Variants in CNTNAP2 observed in about 807,000 individuals in gnomAD.
The protein encoded by CNTNAP2 is contactin associated protein 2.
A neutral mutation model predicts 155.2 loss-of-function variants in CNTNAP2; 98 were observed. That is an observed-to-expected ratio of 0.63 (90% CI 0.54 to 0.75). The LOEUF is 0.75. Ranked by LOEUF, CNTNAP2 falls within the 30% of genes least tolerant of loss-of-function variation. The pLI is 0.00. For missense variants in CNTNAP2, 1,727 were observed against 1,688.1 expected (o/e 1.02, Z -0.40); for synonymous variants, 651 against 631.2 (o/e 1.03, Z -0.47).
intron 1 of CNTNAP2, among the ~76,000 whole-genome samples, chr7:146,330,104 C>T (rs1308303479): frequency 1.4e-5 from 2 of 140,844 alleles, no homozygotes; most frequent in Admixed American, 1.5e-4. Context: ...CTCACTGCAA[C>T]CTCCGCCTCC....
At chr7:147,304,430 C>T (rs529799913) in intron 9 of CNTNAP2, among the ~76,000 whole-genome samples, 7 of 152,180 alleles carry the variant, frequency 4.6e-5, no homozygotes, top group Middle Eastern at 3.4e-3. Context: ...TGATACAGGC[C>T]GGAATCCATG....
intron 13 of CNTNAP2, among the ~76,000 whole-genome samples, chr7:147,751,902 T>G (rs1439736277): frequency 6.6e-6 from 1 of 152,188 alleles, no homozygotes; most frequent in Admixed American, 6.5e-5. Flanking sequence ...TATTCCTATT[T>G]ACTTACAGGA....
intron 12 of CNTNAP2, among the ~76,000 whole-genome samples, chr7:147,628,042 A>T (rs1795018484): frequency 6.6e-6 from 1 of 152,082 alleles, no homozygotes; most frequent in Non-Finnish European, 1.5e-5. Flanking sequence ...GAAATTTAAA[A>T]GTTTGGAAAG....
In CNTNAP2 at chr7:146,181,164, C is replaced by T. The variant is rs553028775; in HGVS notation, c.97+64191C>T. On this transcript the variant is annotated intron_variant, in intron 1 of 23. Coordinates refer to ENST00000361727, the MANE Select transcript of CNTNAP2 (RefSeq NM_014141.6). ...TACTTTAAGCACTTTGGGGGAACAA[C>T]ATGATGACTATACCCAACTTTGCCA... 3.3e-5 allele frequency among the ~76,000 whole-genome samples: 5 copies of T among 152,248 alleles called. No homozygotes were observed. In the South Asian group the frequency reaches 1.0e-3, roughly 32 times the overall value.
At chr7:148,160,585 C>G (rs928492354) in intron 17 of CNTNAP2, among the ~76,000 whole-genome samples, 1 of 152,148 alleles carries the variant, frequency 6.6e-6, no homozygotes, top group Admixed American at 6.5e-5. Flanking sequence ...CCATTTGGAC[C>G]AATTACTCCT....
intron 1 of CNTNAP2, among the ~76,000 whole-genome samples, chr7:146,433,482 G>A (rs542782146): frequency 6.6e-6 from 1 of 152,010 alleles, no homozygotes; most frequent in African/African-American, 2.4e-5. Flanking sequence ...ATTGACAAAG[G>A]CTTCTCTTTA....
intron 1 of CNTNAP2, among the ~76,000 whole-genome samples, chr7:146,477,779 T>C (rs1008461387): frequency 2.6e-5 from 4 of 152,118 alleles, no homozygotes; most frequent in African/African-American, 9.7e-5. Context: ...AGATTAAGAT[T>C]TGTGGCGTTA....
In CNTNAP2 at chr7:146,483,283, ATATATATATAT is replaced by A. The variant is rs1361395847; in HGVS notation, c.98-290987_98-290977del. Reference sequence around the variant, plus strand: ...AGAGCAAGACTCCGTCTAAAAAAAAATATATATATATATATATATATATATATATATATATA... The same window carrying A: ...AGAGCAAGACTCCGTCTAAAAAAAAAATATATATATATATATATATATATA... On this transcript the variant is annotated intron_variant, in intron 1 of 23. Coordinates refer to ENST00000361727, the MANE Select transcript of CNTNAP2 (RefSeq NM_014141.6). Among the ~76,000 whole-genome samples, 33 of 62,728 alleles carry A rather than the reference ATATATATATAT, an allele frequency of 5.3e-4. 1 individual carries two copies. The highest frequency in any genetic ancestry group is 2.6e-3 in the Admixed American group (14 of 5,446). 41.2% of individuals were successfully genotyped at this position (62,728 alleles called of 152,430 possible). A position where few individuals can be genotyped will look rare whatever the true frequency, so the allele number is the denominator to read the frequency against.
intron 1 of CNTNAP2, among the ~76,000 whole-genome samples, chr7:146,597,196 T>C (rs1285527826): frequency 6.6e-6 from 1 of 152,178 alleles, no homozygotes; most frequent in African/African-American, 2.4e-5. Context: ...ATTATCATTA[T>C]AGTTTGGTGG....
chr7:146,805,792 A>G (rs1471169089), intron 2 of CNTNAP2, among the ~76,000 whole-genome samples: 1 of 152,202 alleles, frequency 6.6e-6, no homozygotes, highest in African/African-American at 2.4e-5. Context: ...ACAATGAAAA[A>G]AGTTTATATT....
intron 1 of CNTNAP2, among the ~76,000 whole-genome samples, chr7:146,732,597 G>A (rs1402198335): frequency 6.6e-6 from 1 of 152,062 alleles, no homozygotes; most frequent in Non-Finnish European, 1.5e-5. Flanking sequence ...TTCTGTTCCA[G>A]ATGATAGATT....
chr7:148,112,415 G>GTATTATTATTATTAT lies in CNTNAP2; in HGVS notation c.2384-5687_2384-5673dup, dbSNP rs34816770. ...AATATGAATACTGTGCTAAATTTTA[G>GTATTATTATTATTAT]TATTATTATTATTATTATTATTATT... On this transcript the variant is annotated intron_variant, in intron 15 of 23. Transcript: ENST00000361727. 2.2e-3 allele frequency among the ~76,000 whole-genome samples: 328 copies of GTATTATTATTATTAT among 148,624 alleles called. 2 individuals are homozygous for GTATTATTATTATTAT. Among genetic ancestry groups the GTATTATTATTATTAT allele is most frequent in the East Asian group, 9.8e-3 (49 of 5,024 alleles).
At chr7:147,220,986 A>T (rs1437922270) in intron 8 of CNTNAP2, among the ~76,000 whole-genome samples, 2 of 152,124 alleles carry the variant, frequency 1.3e-5, no homozygotes, top group Non-Finnish European at 2.9e-5. Context: ...TGCTGGGATT[A>T]CAGGCGTGAT....
chr7:146,259,640 T>A (rs530829959), intron 1 of CNTNAP2, among the ~76,000 whole-genome samples: 7 of 152,216 alleles, frequency 4.6e-5, no homozygotes, highest in African/African-American at 1.4e-4. Context: ...TGGAAGAAAT[T>A]TCTAAGCAAC....
At chr7:148,350,499 T>C (rs549251289) in intron 21 of CNTNAP2, among the ~76,000 whole-genome samples, 1 of 152,356 alleles carries the variant, frequency 6.6e-6, no homozygotes, top group East Asian at 1.9e-4. Context: ...ACTAGTCAGC[T>C]GATTTGTGGT....
chr7:146,314,207 T>G (rs905530217), intron 1 of CNTNAP2, among the ~76,000 whole-genome samples: 1 of 152,206 alleles, frequency 6.6e-6, no homozygotes, highest in African/African-American at 2.4e-5. Context: ...CTTTCTAACC[T>G]GTTCCATTCG....
At chr7:146,817,566 G>A (rs1442336958) in intron 2 of CNTNAP2, among the ~76,000 whole-genome samples, 1 of 152,092 alleles carries the variant, frequency 6.6e-6, no homozygotes, top group Non-Finnish European at 1.5e-5. Context: ...GCATGATGCT[G>A]GCATCTGCTC....
At chr7:148,291,377 G>A (rs765510736) in intron 21 of CNTNAP2, among the ~76,000 whole-genome samples, 66 of 151,872 alleles carry the variant, frequency 4.3e-4, no homozygotes, top group Non-Finnish European at 1.9e-4. Context: ...TAGACCATCT[G>A]CAGGCTGAAG....
chr7:147,895,280 T>C (rs891594696), intron 13 of CNTNAP2, among the ~76,000 whole-genome samples: 6 of 152,052 alleles, frequency 3.9e-5, no homozygotes, highest in African/African-American at 1.4e-4. Context: ...AGCTTATTGG[T>C]TTTTTTAAGT....
Sources: allele counts gnomAD v4.1 joint callset (sites outside exome capture counted in the v4.1 genomes callset), GRCh38; gene constraint gnomAD v4.1.1; transcripts MANE v1.5; gene names NCBI Gene and HGNC (gene_info 2026-07-23, HGNC 2026-07-21).